PBX1: variants seen among roughly 807,000 people sequenced by gnomAD.
PBX1 encodes pre-B-cell leukemia transcription factor 1.
PBX1 carries 6 observed loss-of-function variants against 53.4 expected under a neutral mutation model. The ratio of observed to expected loss-of-function variants is 0.11; its 90% confidence interval spans 0.06 to 0.22. The LOEUF is 0.22. Ranked by LOEUF, PBX1 falls within the 10% of genes least tolerant of loss-of-function variation. The probability of loss-of-function intolerance (pLI) is 1.00; values close to 1 mark genes in which losing one functional copy is unlikely to be tolerated. For missense variants in PBX1, 251 were observed against 551.4 expected (o/e 0.46, Z 5.46); for synonymous variants, 204 against 212.3 (o/e 0.96, Z 0.34).
At chr1:164,871,237 C>G (rs1371209004) in intron 2 of PBX1, among the ~76,000 whole-genome samples, 1 of 152,178 alleles carries the variant, frequency 6.6e-6, no homozygotes, top group Non-Finnish European at 1.5e-5. Context: ...TGAGATCATG[C>G]ACAGTGTGTG....
chr1:164,583,372 CT>C (rs1402926641), intron 2 of PBX1, among the ~76,000 whole-genome samples: 1 of 151,802 alleles, frequency 6.6e-6, no homozygotes, highest in Non-Finnish European at 1.5e-5. Flanking sequence ...TGCTTCCATT[CT>C]TTTTTAGGGA....
At chr1:164,751,760 T>C (rs1234843336) in intron 2 of PBX1, among the ~76,000 whole-genome samples, 1 of 151,982 alleles carries the variant, frequency 6.6e-6, no homozygotes, top group Non-Finnish European at 1.5e-5. Context: ...TTTTGTATTT[T>C]TAGTAGAGGC....
intron 2 of PBX1, among the ~76,000 whole-genome samples, chr1:164,601,794 G>A (rs1656197107): frequency 6.6e-6 from 1 of 152,132 alleles, no homozygotes; most frequent in South Asian, 2.1e-4. Flanking sequence ...AGACCCCTTA[G>A]CCTGTGGGAT....
intron 2 of PBX1, chr1:164,639,649 G>A: frequency 6.6e-6 from 1 of 152,232 alleles, no homozygotes; most frequent in East Asian, 1.9e-4. Flanking sequence ...GACATGCGAA[G>A]TGGTGAAGTG....
At chr1:164,871,001 A>G (rs2102454516) in intron 2 of PBX1, among the ~76,000 whole-genome samples, 1 of 152,160 alleles carries the variant, frequency 6.6e-6, no homozygotes, top group Admixed American at 6.5e-5. Flanking sequence ...AAAACACTCT[A>G]GTTTTATAAT....
At chr1:164,684,343 A>C (rs1661972206) in intron 2 of PBX1, 1 of 152,206 alleles carries the variant, frequency 6.6e-6, no homozygotes, top group Non-Finnish European at 1.5e-5. Context: ...TGTAGAAATA[A>C]AAGAAGTCTT....
At chr1:164,748,367 T>G (rs1388414358) in intron 2 of PBX1, among the ~76,000 whole-genome samples, 1 of 152,078 alleles carries the variant, frequency 6.6e-6, no homozygotes, top group Non-Finnish European at 1.5e-5. Context: ...GATAATTAAG[T>G]GGAAATAAGA....
intron 2 of PBX1, among the ~76,000 whole-genome samples, chr1:164,596,429 C>G (rs1307157277): frequency 6.6e-6 from 1 of 152,194 alleles, no homozygotes; most frequent in African/African-American, 2.4e-5. Flanking sequence ...AGTTTCAACC[C>G]ATATATTTAG....
intron 2 of PBX1, among the ~76,000 whole-genome samples, chr1:164,671,298 G>A (rs1229988709): frequency 1.3e-5 from 2 of 151,774 alleles, no homozygotes; most frequent in Non-Finnish European, 2.9e-5. Context: ...TTTCATTAAT[G>A]AAATGAAGTA....
chr1:164,757,468 A>T (rs1666589712), intron 2 of PBX1, among the ~76,000 whole-genome samples: 1 of 152,206 alleles, frequency 6.6e-6, no homozygotes, highest in South Asian at 2.1e-4. Context: ...AGGGAAGATC[A>T]AGGGGTTCCT....
downstream of PBX1, among the ~76,000 whole-genome samples, chr1:164,855,585 C>T (rs1438137729): frequency 6.6e-6 from 1 of 152,184 alleles, no homozygotes; most frequent in African/African-American, 2.4e-5. Flanking sequence ...AGCACAATTA[C>T]ATTTCCAGAA....
chr1:164,778,036 C>T (rs1667752821), intron 2 of PBX1, among the ~76,000 whole-genome samples: 1 of 152,178 alleles, frequency 6.6e-6, no homozygotes, highest in South Asian at 2.1e-4. Context: ...TTTTTCTGAG[C>T]CCACCTGTTA....
At chr1:164,683,051 A>G (rs1661880729) in intron 2 of PBX1, 1 of 152,178 alleles carries the variant, frequency 6.6e-6, no homozygotes, top group Non-Finnish European at 1.5e-5. Flanking sequence ...CCTCCAAGAG[A>G]GTGGTGATTC....
chr1:164,792,859 CG>C, intron 3 of PBX1, 121 bp downstream of exon 3: 2 of 749,340 alleles, frequency 2.7e-6, no homozygotes, highest in South Asian at 3.9e-5. Context: ...TCCCTGTGCC[CG>C]GCATCCCCTG....
chr1:164,876,461 T>C (rs1200329826), intron 2 of PBX1, among the ~76,000 whole-genome samples: 1 of 151,322 alleles, frequency 6.6e-6, no homozygotes, highest in Non-Finnish European at 1.5e-5. Context: ...AAGGCTCCCA[T>C]GCAGGGATAT....
rs528008767 is a variant in PBX1, at chr1:164,645,242, C to A, written c.265+81931C>A. Reference sequence around the variant, plus strand: ...CTAATAACCAGTACAGGATTCCCCCCCTTCTTTTGGTGAGATAGAATTGTA... The same window carrying A: ...CTAATAACCAGTACAGGATTCCCCCACTTCTTTTGGTGAGATAGAATTGTA... On this transcript the variant is annotated intron_variant, in intron 2 of 8. Transcript: ENST00000420696. Among the ~76,000 whole-genome samples, 9 of 152,262 alleles carry A rather than the reference C, an allele frequency of 5.9e-5. No homozygotes were observed. The East Asian group carries it at 7.7e-4, about 13-fold the overall frequency.
chr1:164,650,831 G>T (rs751511307), intron 2 of PBX1, among the ~76,000 whole-genome samples: 2 of 151,556 alleles, frequency 1.3e-5, no homozygotes, highest in African/African-American at 2.4e-5. Flanking sequence ...AAAAAAAAGC[G>T]TGCAGGAAGT....
At chr1:164,650,874 T>C (rs1205860602) in intron 2 of PBX1, among the ~76,000 whole-genome samples, 1 of 151,786 alleles carries the variant, frequency 6.6e-6, no homozygotes, top group Non-Finnish European at 1.5e-5. Flanking sequence ...CACCTCTGCT[T>C]CCCTTCTCCC....
intron 2 of PBX1, among the ~76,000 whole-genome samples, chr1:164,786,175 C>T (rs567126710): frequency 7.2e-5 from 11 of 152,264 alleles, no homozygotes; most frequent in African/African-American, 1.4e-4. Flanking sequence ...CTCACCAGCC[C>T]GTATCTTCCC....
Sources: gnomAD v4.1 joint callset for allele counts (sites outside exome capture counted in the v4.1 genomes callset) on GRCh38, gnomAD v4.1.1 for gene constraint, MANE v1.5 for transcripts, NCBI Gene and HGNC (gene_info 2026-07-23, HGNC 2026-07-21) for gene names.